ERC1: variants seen among roughly 807,000 people sequenced by gnomAD.
The protein encoded by ERC1 is RAB6 interacting protein 2.
ERC1 carries 56 observed loss-of-function variants against 132.0 expected under a neutral mutation model. That is an observed-to-expected ratio of 0.42 (90% CI 0.34 to 0.53). ERC1 has a LOEUF of 0.53. Ranked by LOEUF, ERC1 falls within the 20% of genes least tolerant of loss-of-function variation. The pLI, the probability that ERC1 is intolerant of heterozygous loss-of-function variation, is 0.03. For missense variants in ERC1, 1,202 were observed against 1,349.9 expected (o/e 0.89, Z 1.72); for synonymous variants, 478 against 476.1 (o/e 1.00, Z -0.05).
chr12:1,013,805 C>T (rs1397940902), intron 1 of ERC1, among the ~76,000 whole-genome samples: 2 of 152,064 alleles, frequency 1.3e-5, no homozygotes, highest in South Asian at 2.1e-4. Flanking sequence ...GATCATAGGT[C>T]GCTGCAGCCT....
At chr12:1,132,457 A>G (rs917839583) in intron 7 of ERC1, among the ~76,000 whole-genome samples, 12 of 152,124 alleles carry the variant, frequency 7.9e-5, no homozygotes, top group Non-Finnish European at 1.0e-4. Context: ...TCGGTCACCA[A>G]TTCATACTTG....
At chr12:1,455,070 T>C (rs1210753823) in intron 18 of ERC1, among the ~76,000 whole-genome samples, 1 of 152,148 alleles carries the variant, frequency 6.6e-6, no homozygotes. Flanking sequence ...AAGAAAAAGG[T>C]TTTATTAAAT....
chr12:1,187,979 C>T (rs139437465), intron 11 of ERC1, among the ~76,000 whole-genome samples: 3 of 152,294 alleles, frequency 2.0e-5, no homozygotes, highest in African/African-American at 7.2e-5. Context: ...AAGCTGAGAC[C>T]TCAAAGTAAG....
chr12:1,148,987 G>A (rs762808016), intron 8 of ERC1, among the ~76,000 whole-genome samples: 15 of 151,958 alleles, frequency 9.9e-5, no homozygotes, highest in African/African-American at 2.2e-4. Flanking sequence ...TTTTGTTGAC[G>A]TTACTGTATT....
chr12:1,116,973 T>C lies in ERC1; in HGVS notation c.1569+940T>C, dbSNP rs1038204825. Among the ~76,000 whole-genome samples the C allele has an allele frequency of 2.0e-5, 3 of 152,234 alleles. No individual in the cohort carries two copies. The South Asian group carries it at 6.2e-4, about 32-fold the overall frequency. On this transcript the variant is annotated intron_variant, in intron 7 of 18. Coordinates refer to ENST00000360905, the MANE Select transcript of ERC1 (RefSeq NM_178040.4). Reference sequence around the variant, plus strand: ...CTTCAGATAGGTATATGACTTCAGATAGATATTTAGTGTATTTGCTAAATA... The same window carrying C: ...CTTCAGATAGGTATATGACTTCAGACAGATATTTAGTGTATTTGCTAAATA...
chr12:1,446,132 T>C (rs571474090), intron 18 of ERC1, among the ~76,000 whole-genome samples: 2 of 152,286 alleles, frequency 1.3e-5, no homozygotes, highest in South Asian at 4.2e-4. Context: ...CTAGACGACA[T>C]TTTCTGTTTA....
chr12:1,116,161 C>A, intron 7 of ERC1, 128 bp downstream of exon 7: 2 of 761,664 alleles, frequency 2.6e-6, no homozygotes, highest in Non-Finnish European at 4.2e-6. Context: ...TCTTCAGCAG[C>A]GTGATCAGTC....
intron 2 of ERC1, among the ~76,000 whole-genome samples, chr12:1,067,442 A>G (rs917763355): frequency 3.9e-5 from 6 of 152,186 alleles, no homozygotes; most frequent in Non-Finnish European, 8.8e-5. Flanking sequence ...ATGCCAGGTG[A>G]TAGTAGCCAG....
chr12:1,326,929 A>G (rs924785450), intron 15 of ERC1, among the ~76,000 whole-genome samples: 1 of 152,098 alleles, frequency 6.6e-6, no homozygotes, highest in Admixed American at 6.5e-5. Context: ...TGGATAATGT[A>G]TAATAAGCTG....
chr12:1,043,188 C>T (rs753608679), intron 2 of ERC1, among the ~76,000 whole-genome samples: 7 of 151,784 alleles, frequency 4.6e-5, no homozygotes, highest in South Asian at 2.1e-4. Flanking sequence ...GGACTACAGA[C>T]GCCTGCTACC....
intron 15 of ERC1, among the ~76,000 whole-genome samples, chr12:1,364,066 T>C (rs1336085976): frequency 6.6e-6 from 1 of 152,248 alleles, no homozygotes; most frequent in Admixed American, 6.5e-5. Context: ...TTTGAAAGTT[T>C]CTTTGTAGCA....
At chr12:1,172,147 G>A (rs181064970) in intron 8 of ERC1, among the ~76,000 whole-genome samples, 10 of 152,222 alleles carry the variant, frequency 6.6e-5, no homozygotes, top group East Asian at 1.9e-4. Flanking sequence ...GAATAACGTC[G>A]TCTTTCTCCA....
intron 18 of ERC1, chr12:1,480,986 T>C: frequency 1.5e-6 from 1 of 689,506 alleles, no homozygotes; most frequent in Non-Finnish European, 2.6e-6. Flanking sequence ...CTGTGGATGG[T>C]ACTGAAGCCT....
At chr12:1,378,704 G>A (rs2088244693) in intron 16 of ERC1, among the ~76,000 whole-genome samples, 1 of 152,194 alleles carries the variant, frequency 6.6e-6, no homozygotes, top group Non-Finnish European at 1.5e-5. Context: ...ACTTTCTACA[G>A]CAGTCCTCCC....
chr12:1,373,166 G>A (rs904461254), intron 16 of ERC1, among the ~76,000 whole-genome samples: 1 of 152,218 alleles, frequency 6.6e-6, no homozygotes, highest in Non-Finnish European at 1.5e-5. Context: ...TGTTATGTAA[G>A]ATAGGAAGAA....
chr12:1,185,569 A>C (rs990077563), intron 11 of ERC1, among the ~76,000 whole-genome samples: 3 of 151,978 alleles, frequency 2.0e-5, no homozygotes, highest in Non-Finnish European at 4.4e-5. Flanking sequence ...GTGTGGAGCC[A>C]CTCATCCAAG....
chr12:1,466,732 G>A (rs1273588908), intron 18 of ERC1, among the ~76,000 whole-genome samples: 1 of 152,158 alleles, frequency 6.6e-6, no homozygotes, highest in African/African-American at 2.4e-5. Context: ...AAAGAATGCT[G>A]TAAGAAAAGC....
chr12:1,256,143 C>T (rs1173576996), intron 13 of ERC1, among the ~76,000 whole-genome samples: 1 of 151,988 alleles, frequency 6.6e-6, no homozygotes, highest in Non-Finnish European at 1.5e-5. Context: ...TGGATATTAG[C>T]CCTTTGTCAG....
intron 1 of ERC1, among the ~76,000 whole-genome samples, chr12:1,024,842 G>GAA (rs201143939): frequency 2.2e-4 from 16 of 72,502 alleles, no homozygotes; most frequent in African/African-American, 3.7e-4. Flanking sequence ...AAAAAAAGTG[G>GAA]AAAAAAAAAA....
Sources: allele counts gnomAD v4.1 joint callset (sites outside exome capture counted in the v4.1 genomes callset), GRCh38; gene constraint gnomAD v4.1.1; transcripts MANE v1.5; gene names NCBI Gene and HGNC (gene_info 2026-07-23, HGNC 2026-07-21).